Variants in ARMC1 observed in about 807,000 individuals in gnomAD.
ARMC1 encodes armadillo repeat-containing protein 1.
A neutral mutation model predicts 31.4 loss-of-function variants in ARMC1; 16 were observed. That is an observed-to-expected ratio of 0.51 (90% confidence interval 0.34 to 0.77). ARMC1 has a LOEUF of 0.77. Ranked by LOEUF, ARMC1 falls within the 30% of genes least tolerant of loss-of-function variation. The pLI, the probability that ARMC1 is intolerant of heterozygous loss-of-function variation, is 0.01. For missense variants in ARMC1, 259 were observed against 347.5 expected (o/e 0.75, Z 2.02); for synonymous variants, 114 against 118.9 (o/e 0.96, Z 0.27).
rs540680696 is a variant in ARMC1, at chr8:65,618,595, A to AATTTCAGTGGAATTATGTCCCC, written c.275+3646_275+3667dup. Among the ~76,000 whole-genome samples the AATTTCAGTGGAATTATGTCCCC allele has an allele frequency of 5.7e-3, 859 of 151,886 alleles. 28 individuals are homozygous for AATTTCAGTGGAATTATGTCCCC. Among genetic ancestry groups the AATTTCAGTGGAATTATGTCCCC allele is most frequent in the Admixed American group, 0.051 (778 of 15,212 alleles). On this transcript the variant is annotated intron_variant, in intron 3 of 6. Coordinates refer to ENST00000276569, the MANE Select transcript of ARMC1 (RefSeq NM_018120.6). Reference sequence around the variant, plus strand: ...CTCCAAGTGAAAAGTTTTCCACATCAATTTCAGTGGAATTATGTCCCCACC... The same window carrying AATTTCAGTGGAATTATGTCCCC: ...CTCCAAGTGAAAAGTTTTCCACATCAATTTCAGTGGAATTATGTCCCCATTTCAGTGGAATTATGTCCCCACC...
At chr8:65,629,330 T>C (rs1458169626) in intron 1 of ARMC1, among the ~76,000 whole-genome samples, 1 of 152,164 alleles carries the variant, frequency 6.6e-6, no homozygotes, top group Non-Finnish European at 1.5e-5. Context: ...TGCTGCATAT[T>C]GTTGCTTAAC....
At position 65,605,448 on chromosome 8, in the gene ARMC1, G is replaced by A. The variant is rs963721845; in HGVS notation, c.556C>T (p.Arg186Ter). 5 of 1,613,948 alleles carry A rather than the reference G, an allele frequency of 3.1e-6. No homozygotes were observed. Among genetic ancestry groups the A allele is most frequent in the Non-Finnish European group, 4.2e-6 (5 of 1,179,900 alleles). ...FQMAVQRCVV[R>*]IRSDLKAEAL... is the part of the protein sequence containing the mutation. ...TCAGCTTTCAAATCTGAACGGATTC[G>A]CACCACACACCTTTGAACAGCCATT... The change falls in exon 5 of 7, where the codon CGA (arginine) becomes TGA (stop). Residue 186 changes from arginine to a stop codon, truncating the protein, a stop_gained. Transcript: ENST00000276569. LOFTEE classifies it high-confidence loss of function.
intron 3 of ARMC1, among the ~76,000 whole-genome samples, chr8:65,615,610 G>A (rs1234203364): frequency 6.6e-6 from 1 of 152,104 alleles, no homozygotes. Flanking sequence ...AGGGGGCTGA[G>A]GCAGGAGAAT....
At position 65,605,270 on chromosome 8, in the gene ARMC1, C is replaced by A; in HGVS notation, c.650G>T (p.Gly217Val). Residue 217 changes from glycine (G) to valine (V), a missense_variant, in exon 6 of 7, where the codon GGA (glycine) becomes GTA (valine). Gly to Val is a moderately radical substitution (Grantham distance 109). Around this residue, in one of 3 missense-constraint regions of ARMC1, gnomAD observed 73 missense variants for 100.0 expected, o/e 0.73. Transcript: ENST00000276569. ...KAQQVVKSES[G>V]EEMLVPFQDT... Reference sequence around the variant, plus strand: ...ATTAAACACAACTTTTACCTCTTCTCCACTTTCACTTTTCACAACTTGCTG... The same window carrying A: ...ATTAAACACAACTTTTACCTCTTCTACACTTTCACTTTTCACAACTTGCTG... 6.2e-7 allele frequency: 1 copy of A among 1,612,952 alleles called. No individual in the cohort carries two copies. The highest frequency in any genetic ancestry group is 1.1e-5 in the South Asian group (1 of 90,726).
At chr8:65,610,986 T>C (rs1585705305) in intron 4 of ARMC1, among the ~76,000 whole-genome samples, 1 of 151,758 alleles carries the variant, frequency 6.6e-6, no homozygotes, top group African/African-American at 2.4e-5. Context: ...CAGGCTGGAG[T>C]GCAGTGGTGT....
chr8:65,622,811 T>C (rs1808422469), intron 2 of ARMC1, among the ~76,000 whole-genome samples: 1 of 151,246 alleles, frequency 6.6e-6, no homozygotes, highest in Admixed American at 6.6e-5. Flanking sequence ...ATCAAGACCA[T>C]CCTGGCCAAC....
Position 65,604,334 on chromosome 8 carries a change from CACA to C in ARMC1, c.*57_*59del, listed in dbSNP as rs957656302. Reference sequence around the variant, plus strand: ...TTGCAAATTGCACTTGACAGTTCACCACAACAATGGAAAACTGGCCCCTTGTTG... The same window carrying C: ...TTGCAAATTGCACTTGACAGTTCACCACAATGGAAAACTGGCCCCTTGTTG... On this transcript the variant is annotated 3_prime_UTR_variant, in exon 7 of 7. Transcript: ENST00000276569. 11 of 1,515,696 alleles carry C rather than the reference CACA, an allele frequency of 7.3e-6. No individual in the cohort carries two copies. In the African/African-American group the frequency reaches 1.2e-4, roughly 17 times the overall value. The allele number at this position is 1,515,696 out of a possible 1,614,324, so 93.9% of individuals were successfully genotyped here. A position where few individuals can be genotyped will look rare whatever the true frequency, so the allele number is the denominator to read the frequency against.
chr8:65,616,203 C>T (rs1191870064), intron 3 of ARMC1, among the ~76,000 whole-genome samples: 1 of 152,256 alleles, frequency 6.6e-6, no homozygotes, highest in Non-Finnish European at 1.5e-5. Context: ...GACTGTACTG[C>T]TGCCATCTCG....
chr8:65,632,307 C>T (rs908766860), intron 1 of ARMC1, among the ~76,000 whole-genome samples: 2 of 151,958 alleles, frequency 1.3e-5, no homozygotes, highest in Admixed American at 1.3e-4. Context: ...GGGAGGATCA[C>T]CTGAGCCTGG....
In ARMC1 at chr8:65,604,325, A is replaced by G. The variant is rs1807954719; in HGVS notation, c.*69T>C. 4.2e-6 allele frequency: 6 copies of G among 1,442,242 alleles called. No homozygotes were observed. In the East Asian group the frequency reaches 1.4e-4, roughly 33 times the overall value. 89.3% of individuals were successfully genotyped at this position (1,442,242 alleles called of 1,614,324 possible). ...GATAACTTATTGCAAATTGCACTTG[A>G]CAGTTCACCACAACAATGGAAAACT... On this transcript the variant is annotated 3_prime_UTR_variant, in exon 7 of 7. Coordinates refer to ENST00000276569, the MANE Select transcript of ARMC1 (RefSeq NM_018120.6).
chr8:65,618,774 T>G (rs1174938993), intron 3 of ARMC1, among the ~76,000 whole-genome samples: 2 of 152,044 alleles, frequency 1.3e-5, no homozygotes, highest in Admixed American at 6.6e-5. Context: ...GCCGGGGCGG[T>G]GGTTTACACC....
Position 65,613,373 on chromosome 8 carries a change from G to C in ARMC1, c.336C>G (p.Ser112=), listed in dbSNP as rs1189437987. ...LASEIYDILQ[S]SNMADGDSFN... is the part of the protein sequence containing the mutation. ...AACTATCACCATCTGCCATATTGGA[G>C]GACTGAAGAATGTCATAGATTTCAG... Residue 112 remains serine, a synonymous_variant, in exon 4 of 7, where the codon TCC becomes TCG. Coordinates refer to ENST00000276569, the MANE Select transcript of ARMC1 (RefSeq NM_018120.6). The C allele has an allele frequency of 6.2e-7, 1 of 1,610,596 alleles. No individual in the cohort carries two copies.
intron 1 of ARMC1, among the ~76,000 whole-genome samples, chr8:65,627,829 G>T (rs2129044173): frequency 6.6e-6 from 1 of 152,272 alleles, no homozygotes; most frequent in South Asian, 2.1e-4. Context: ...AGGGAAAAGT[G>T]GCTAGTTTAC....
In ARMC1 at chr8:65,604,537, C is replaced by G. The variant is rs1304524205; in HGVS notation, c.706G>C (p.Glu236Gln). 8.1e-6 allele frequency: 13 copies of G among 1,614,064 alleles called. No individual in the cohort carries two copies. Among genetic ancestry groups the G allele is most frequent in the African/African-American group, 1.3e-5 (1 of 75,062 alleles). ...TCCTCAGGCAGGTAGTCAGGTAGCT[C>G]TGTGTTCTGTTCAACTTCCACAGGA... ...DTPVEVEQNT[E>Q]LPDYLPEDES... The change falls in exon 7 of 7, where the codon GAG becomes CAG. Residue 236 changes from glutamate to glutamine, a missense_variant. This residue lies in a region of ARMC1 where 73 missense variants were observed against 100.0 expected (regional missense o/e 0.73). Transcript: ENST00000276569.
At chr8:65,610,625 G>T (rs918170799) in intron 4 of ARMC1, among the ~76,000 whole-genome samples, 8 of 151,904 alleles carry the variant, frequency 5.3e-5, no homozygotes, top group Admixed American at 6.5e-5. Context: ...AACCCAGGAG[G>T]TGGAGGTTGC....
intron 2 of ARMC1, among the ~76,000 whole-genome samples, chr8:65,623,037 C>CTG (rs1808427123): frequency 6.7e-6 from 1 of 150,208 alleles, no homozygotes; most frequent in Admixed American, 6.7e-5. Context: ...AGGCTGGGCG[C>CTG]AGTGGCTCAC....
chr8:65,625,212 A>C (rs1416848260), intron 2 of ARMC1, among the ~76,000 whole-genome samples: 5 of 152,116 alleles, frequency 3.3e-5, no homozygotes, highest in Non-Finnish European at 7.4e-5. Flanking sequence ...CCATGACTTT[A>C]TACTTCCCTT....
At chr8:65,629,962 T>C (rs901742259) in intron 1 of ARMC1, among the ~76,000 whole-genome samples, 4 of 151,982 alleles carry the variant, frequency 2.6e-5, no homozygotes, top group Non-Finnish European at 4.4e-5. Flanking sequence ...CTGACCAATA[T>C]GGTGAAACGT....
At chr8:65,633,440 G>T (rs1221975895) in intron 1 of ARMC1, among the ~76,000 whole-genome samples, 1 of 152,208 alleles carries the variant, frequency 6.6e-6, no homozygotes, top group Non-Finnish European at 1.5e-5. Context: ...TCAAACACCA[G>T]CAATTACCAA....
Sources: gnomAD v4.1 joint callset for allele counts (sites outside exome capture counted in the v4.1 genomes callset) on GRCh38, gnomAD v4.1.1 for gene constraint, gnomAD v4.1.1 regional missense constraint, MANE v1.5 for transcripts, NCBI Gene and HGNC (gene_info 2026-07-23, HGNC 2026-07-21) for gene names.